NIM1K: variants seen among roughly 807,000 people sequenced by gnomAD.
NIM1K encodes NIM1 serine/threonine protein kinase.
Under a neutral mutation model 37.1 loss-of-function variants are expected in NIM1K, and 35 were observed. The observed-to-expected ratio is 0.94, with a 90% CI of 0.72 to 1.25. The LOEUF is 1.25. Ranked by LOEUF, NIM1K falls within the 50% of genes most tolerant of loss-of-function variation. NIM1K has a pLI of 0.00. For synonymous variants in NIM1K, 234 were observed against 206.6 expected (o/e 1.13, Z -1.14); for missense variants, 564 against 548.0 (o/e 1.03, Z -0.29).
intron 2 of NIM1K, among the ~76,000 whole-genome samples, chr5:43,269,023 C>A (rs1489128072): frequency 6.6e-6 from 1 of 151,916 alleles, no homozygotes; most frequent in Non-Finnish European, 1.5e-5. Flanking sequence ...AATAGCCACT[C>A]CTACCCGGGC....
chr5:43,245,646 G>C lies in NIM1K; in HGVS notation c.-130G>C, dbSNP rs1752765874. Reference sequence around the variant, plus strand: ...CTAAAGCCGAGAGGGAGGCTGCTCAGCTCTCAGGAAAACTCTTTTGAACCC... The same window carrying C: ...CTAAAGCCGAGAGGGAGGCTGCTCACCTCTCAGGAAAACTCTTTTGAACCC... On this transcript the variant is annotated 5_prime_UTR_variant, in exon 2 of 4. Transcript: ENST00000326035. 4.7e-6 allele frequency: 4 copies of C among 859,940 alleles called. No individual in the cohort carries two copies. The highest frequency in any genetic ancestry group is 4.9e-5 in the Admixed American group (2 of 40,986). The allele number at this position is 859,940 out of a possible 1,614,324, so 53.3% of individuals were successfully genotyped here.
chr5:43,259,889 T>A (rs1356915596), intron 2 of NIM1K, among the ~76,000 whole-genome samples: 2 of 152,102 alleles, frequency 1.3e-5, no homozygotes, highest in Non-Finnish European at 2.9e-5. Flanking sequence ...GTTTTTCCTG[T>A]TTTCTTCTAT....
intron 2 of NIM1K, among the ~76,000 whole-genome samples, chr5:43,262,834 T>C (rs1753054648): frequency 1.3e-5 from 2 of 152,212 alleles, no homozygotes; most frequent in African/African-American, 2.4e-5. Flanking sequence ...TTGAATTTTG[T>C]CAAAGACCTT....
chr5:43,242,179 A>G (rs1752712657), intron 1 of NIM1K, among the ~76,000 whole-genome samples: 1 of 151,990 alleles, frequency 6.6e-6, no homozygotes, highest in Non-Finnish European at 1.5e-5. Flanking sequence ...GAGACTGATC[A>G]TATTTGGCAA....
At chr5:43,275,215 C>A (rs1382924603) in intron 2 of NIM1K, among the ~76,000 whole-genome samples, 2 of 152,150 alleles carry the variant, frequency 1.3e-5, no homozygotes, top group African/African-American at 4.8e-5. Flanking sequence ...CTGTATTTTT[C>A]CTCACTTGTA....
chr5:43,214,757 A>T (rs1752273499), intron 1 of NIM1K, among the ~76,000 whole-genome samples: 1 of 140,648 alleles, frequency 7.1e-6, no homozygotes, highest in Non-Finnish European at 1.5e-5. Flanking sequence ...CGGAGCTTGC[A>T]GTGAGCCGAG....
chr5:43,228,868 A>T (rs1388838905), intron 1 of NIM1K, among the ~76,000 whole-genome samples: 1 of 152,158 alleles, frequency 6.6e-6, no homozygotes, highest in African/African-American at 2.4e-5. Context: ...TCTTTTCCTT[A>T]AAGCTCGTAT....
At chr5:43,215,591 G>T (rs777191124) in intron 1 of NIM1K, among the ~76,000 whole-genome samples, 2 of 152,164 alleles carry the variant, frequency 1.3e-5, no homozygotes, top group Non-Finnish European at 2.9e-5. Flanking sequence ...GCGCCACCAC[G>T]CCCAGCTAAT....
intron 2 of NIM1K, among the ~76,000 whole-genome samples, chr5:43,275,502 A>G (rs536269678): frequency 2.6e-5 from 4 of 152,342 alleles, no homozygotes; most frequent in African/African-American, 7.2e-5. Flanking sequence ...ATCCAGAACC[A>G]TTGTACCAAT....
intron 1 of NIM1K, chr5:43,233,170 G>T (rs1579970176): frequency 1.6e-6 from 2 of 1,247,618 alleles, no homozygotes; most frequent in East Asian, 2.3e-5. Context: ...ATGCGGTCAC[G>T]CATGATTACT....
At chr5:43,251,732 T>C (rs968431953) in intron 2 of NIM1K, among the ~76,000 whole-genome samples, 16 of 152,186 alleles carry the variant, frequency 1.1e-4, no homozygotes, top group Non-Finnish European at 2.2e-4. Context: ...TTTCCACACT[T>C]AATTATCAGA....
chr5:43,256,208 G>C (rs1267245740), intron 2 of NIM1K, among the ~76,000 whole-genome samples: 1 of 152,122 alleles, frequency 6.6e-6, no homozygotes, highest in Non-Finnish European at 1.5e-5. Flanking sequence ...GTTGAAAATA[G>C]ACGCAGAAGG....
chr5:43,206,959 G>A (rs1317143404), intron 1 of NIM1K: 3 of 762,258 alleles, frequency 3.9e-6, no homozygotes, highest in Non-Finnish European at 7.3e-6. Context: ...GCAAAGAAGA[G>A]ATCGACGGTA....
intron 1 of NIM1K, among the ~76,000 whole-genome samples, chr5:43,212,543 A>T (rs1752220283): frequency 6.6e-6 from 1 of 152,206 alleles, no homozygotes; most frequent in African/African-American, 2.4e-5. Context: ...CCTGGGGCTC[A>T]GGAGAGGAGG....
In NIM1K at chr5:43,227,086, C is replaced by T. The variant is rs531332126; in HGVS notation, c.-694-17996C>T. On this transcript the variant is annotated intron_variant, in intron 1 of 3. Coordinates refer to ENST00000326035, the MANE Select transcript of NIM1K (RefSeq NM_153361.4). Reference sequence around the variant, plus strand: ...ATTTTAAAAGAATTGGTTCACCGGGCGCAGTGGCTCATGCCTGTAATCCCA... The same window carrying T: ...ATTTTAAAAGAATTGGTTCACCGGGTGCAGTGGCTCATGCCTGTAATCCCA... 2.0e-5 allele frequency among the ~76,000 whole-genome samples: 3 copies of T among 152,260 alleles called. No homozygotes were observed. In the East Asian group the frequency reaches 5.8e-4, roughly 29 times the overall value.
intron 1 of NIM1K, among the ~76,000 whole-genome samples, chr5:43,206,429 G>A (rs1289910263): frequency 6.6e-6 from 1 of 150,676 alleles, no homozygotes; most frequent in Non-Finnish European, 1.5e-5. Context: ...TGAGCCCAGG[G>A]ATCAAGGCTG....
intron 2 of NIM1K, among the ~76,000 whole-genome samples, chr5:43,260,307 C>G (rs1307590930): frequency 1.3e-5 from 2 of 152,108 alleles, no homozygotes. Flanking sequence ...CTTGTTCCAG[C>G]TCTCAGGGGG....
intron 2 of NIM1K, among the ~76,000 whole-genome samples, chr5:43,269,587 T>TTG (rs35069343): frequency 0.016 from 2,400 of 151,062 alleles, 51 homozygotes; most frequent in East Asian, 0.088. Flanking sequence ...CTGGATCCTT[T>TTG]TGTGTGTGTG....
At chr5:43,219,469 G>T (rs1187995545) in intron 1 of NIM1K, among the ~76,000 whole-genome samples, 2 of 151,986 alleles carry the variant, frequency 1.3e-5, no homozygotes, top group African/African-American at 4.8e-5. Context: ...TCAAACTCCT[G>T]GGCTCAAGTG....
Sources: allele counts gnomAD v4.1 joint callset (sites outside exome capture counted in the v4.1 genomes callset), GRCh38; gene constraint gnomAD v4.1.1; transcripts MANE v1.5; gene names NCBI Gene and HGNC (gene_info 2026-07-23, HGNC 2026-07-21).